C8orf34: variants seen among roughly 807,000 people sequenced by gnomAD.
The protein encoded by C8orf34 is uncharacterized protein C8orf34.
Under a neutral mutation model 68.3 loss-of-function variants are expected in C8orf34, and 65 were observed. That is an observed-to-expected ratio of 0.95 (90% CI 0.78 to 1.17). The LOEUF is 1.17. Among genes scored for constraint, C8orf34 ranks in the 50% most tolerant of loss-of-function variants. The pLI is 0.00. For synonymous variants in C8orf34, 244 were observed against 241.2 expected (o/e 1.01, Z -0.11); for missense variants, 664 against 655.4 (o/e 1.01, Z -0.14).
At chr8:68,408,460 G>A (rs1009556074) in intron 1 of C8orf34, among the ~76,000 whole-genome samples, 2 of 151,978 alleles carry the variant, frequency 1.3e-5, no homozygotes, top group African/African-American at 4.8e-5. Context: ...GTGCCAAAAA[G>A]GTTGGGGACT....
intron 1 of C8orf34, among the ~76,000 whole-genome samples, chr8:68,418,668 A>T (rs1251581861): frequency 1.3e-5 from 2 of 152,170 alleles, no homozygotes; most frequent in African/African-American, 2.4e-5. Flanking sequence ...GCCCTCAGGA[A>T]TAACACCGCA....
chr8:68,446,496 A>G, intron 3 of C8orf34, 36 bp downstream of exon 3: 1 of 1,575,558 alleles, frequency 6.3e-7, no homozygotes, highest in Non-Finnish European at 8.6e-7. Context: ...TATTCAAAGC[A>G]TGTAAGTTTA....
At chr8:68,620,525 G>C (rs1202644129) in intron 7 of C8orf34, among the ~76,000 whole-genome samples, 1 of 152,146 alleles carries the variant, frequency 6.6e-6, no homozygotes, top group Non-Finnish European at 1.5e-5. Context: ...GAGCTCCCTT[G>C]CTGTCTACTG....
chr8:68,400,973 G>A (rs1383298502), intron 1 of C8orf34, among the ~76,000 whole-genome samples: 36 of 152,100 alleles, frequency 2.4e-4, no homozygotes, highest in Admixed American at 2.4e-3. Context: ...GGGCAGTGTG[G>A]TCATTTCAAT....
intron 8 of C8orf34, among the ~76,000 whole-genome samples, chr8:68,647,252 A>G (rs1458864875): frequency 6.6e-6 from 1 of 152,182 alleles, no homozygotes; most frequent in African/African-American, 2.4e-5. Context: ...GATATTGCCT[A>G]ACACCTGATA....
At chr8:68,502,136 G>C (rs186276035) in intron 5 of C8orf34, among the ~76,000 whole-genome samples, 2 of 152,130 alleles carry the variant, frequency 1.3e-5, no homozygotes, top group African/African-American at 4.8e-5. Flanking sequence ...CGTGATCTCA[G>C]CTCACTGTAA....
intron 4 of C8orf34, among the ~76,000 whole-genome samples, chr8:68,485,376 C>T (rs1052351870): frequency 1.3e-5 from 2 of 151,844 alleles, no homozygotes; most frequent in Non-Finnish European, 2.9e-5. Flanking sequence ...TGAGAAAACT[C>T]GTTTTGTAAG....
At position 68,354,913 on chromosome 8, in the gene C8orf34, A is replaced by T. The variant is rs142585672; in HGVS notation, c.327+23574A>T. 2.0e-3 allele frequency among the ~76,000 whole-genome samples: 312 copies of T among 152,222 alleles called. 2 individuals are homozygous for T. The highest frequency in any genetic ancestry group is 6.7e-3 in the African/African-American group (280 of 41,560). ...AGCGTCTAGGGGAGCATGGGCCATAAAGCAGGAGCTCAGCAAATATCTGTT... is the reference window on the plus strand; with the variant it reads ...AGCGTCTAGGGGAGCATGGGCCATATAGCAGGAGCTCAGCAAATATCTGTT... On this transcript the variant is annotated intron_variant, in intron 1 of 13. Transcript: ENST00000518698.
chr8:68,704,208 G>C (rs1047023609), intron 8 of C8orf34, among the ~76,000 whole-genome samples: 1 of 152,138 alleles, frequency 6.6e-6, no homozygotes, highest in African/African-American at 2.4e-5. Flanking sequence ...GTTGAAGTAA[G>C]AGCTATGGTA....
intron 1 of C8orf34, among the ~76,000 whole-genome samples, chr8:68,386,132 C>T (rs1326525746): frequency 3.9e-5 from 6 of 152,108 alleles, no homozygotes; most frequent in African/African-American, 1.4e-4. Flanking sequence ...ATCTTGAATG[C>T]CTGGGCTTAA....
At chr8:68,555,919 G>T (rs1816236390) in intron 7 of C8orf34, among the ~76,000 whole-genome samples, 1 of 151,992 alleles carries the variant, frequency 6.6e-6, no homozygotes, top group East Asian at 1.9e-4. Context: ...GAATATCCCT[G>T]TCCTATTTTC....
At chr8:68,766,902 G>T (rs1406645193) in intron 10 of C8orf34, among the ~76,000 whole-genome samples, 1 of 152,152 alleles carries the variant, frequency 6.6e-6, no homozygotes, top group Non-Finnish European at 1.5e-5. Flanking sequence ...GGTATTTTGA[G>T]GCTGGGCACA....
intron 1 of C8orf34, among the ~76,000 whole-genome samples, chr8:68,368,585 A>G (rs1047354055): frequency 2.6e-5 from 4 of 152,140 alleles, no homozygotes; most frequent in African/African-American, 9.7e-5. Context: ...GATCATTGCA[A>G]TATTAGCTTT....
intron 7 of C8orf34, among the ~76,000 whole-genome samples, chr8:68,540,892 G>A (rs1447096014): frequency 6.6e-6 from 1 of 151,958 alleles, no homozygotes; most frequent in African/African-American, 2.4e-5. Context: ...TATTAATATG[G>A]TAAAACAAAG....
intron 7 of C8orf34, among the ~76,000 whole-genome samples, chr8:68,590,824 C>CT (rs1309301260): frequency 6.6e-6 from 1 of 152,134 alleles, no homozygotes; most frequent in Non-Finnish European, 1.5e-5. Flanking sequence ...AGCTCTGAGG[C>CT]TTCCCCTGGC....
chr8:68,349,575 G>A (rs940684736), intron 1 of C8orf34, among the ~76,000 whole-genome samples: 1 of 151,904 alleles, frequency 6.6e-6, no homozygotes, highest in Non-Finnish European at 1.5e-5. Flanking sequence ...TGTATATCTG[G>A]TAGAATTTGG....
chr8:68,687,474 C>T lies in C8orf34; in HGVS notation c.1242-21520C>T, dbSNP rs1820553985. 2.0e-5 allele frequency among the ~76,000 whole-genome samples: 3 copies of T among 152,056 alleles called. No individual in the cohort carries two copies. In the South Asian group the frequency reaches 6.2e-4, roughly 31 times the overall value. The stretch of plus-strand genomic sequence containing the variant: ...AATAAAGCCAAATACTTAAAGCCAA[C>T]TGATCTTTGACAAAGCATACAAAAC... On this transcript the variant is annotated intron_variant, in intron 8 of 13. Coordinates refer to ENST00000518698, the MANE Select transcript of C8orf34 (RefSeq NM_052958.4).
intron 1 of C8orf34, among the ~76,000 whole-genome samples, chr8:68,341,391 C>T (rs1168225695): frequency 6.6e-5 from 10 of 152,084 alleles, no homozygotes; most frequent in Admixed American, 6.5e-4. Flanking sequence ...ACACCTTGTA[C>T]AAAAATTAAC....
At chr8:68,342,701 C>T (rs1412832899) in intron 1 of C8orf34, among the ~76,000 whole-genome samples, 2 of 152,144 alleles carry the variant, frequency 1.3e-5, no homozygotes, top group Non-Finnish European at 2.9e-5. Flanking sequence ...GTCTATTCCA[C>T]CCACCCACCT....
Sources: gnomAD v4.1 joint callset for allele counts (sites outside exome capture counted in the v4.1 genomes callset) on GRCh38, gnomAD v4.1.1 for gene constraint, MANE v1.5 for transcripts, NCBI Gene and HGNC (gene_info 2026-07-23, HGNC 2026-07-21) for gene names.